The following SEMA6D variants were observed in gnomAD, a reference collection of about 807,000 sequenced individuals.
SEMA6D encodes semaphorin-6D.
A neutral mutation model predicts 106.6 loss-of-function variants in SEMA6D; 35 were observed. The observed-to-expected ratio is 0.33, with a 90% CI of 0.25 to 0.44. SEMA6D has a LOEUF of 0.44. SEMA6D is among the 20% of genes least tolerant of loss of function. The pLI is 1.00. For missense variants in SEMA6D, 1,185 were observed against 1,345.9 expected, an observed-to-expected ratio of 0.88 and a Z score of 1.87; for synonymous variants, 499 against 487.7, an observed-to-expected ratio of 1.02 and a Z score of -0.31.
intron 3 of SEMA6D, among the ~76,000 whole-genome samples, chr15:47,550,442 A>G (rs1260151743): frequency 6.6e-6 from 1 of 152,150 alleles, no homozygotes; most frequent in Non-Finnish European, 1.5e-5. Context: ...TTCTGCTCTC[A>G]GTTAATTTTA....
intron 1 of SEMA6D, among the ~76,000 whole-genome samples, chr15:47,193,535 A>G (rs936699968): frequency 7.9e-5 from 12 of 152,102 alleles, no homozygotes; most frequent in African/African-American, 2.9e-4. Context: ...ATTGGATTAT[A>G]CTCTTCTCTG....
chr15:47,479,399 C>A (rs1266714615), intron 3 of SEMA6D, among the ~76,000 whole-genome samples: 1 of 152,078 alleles, frequency 6.6e-6, no homozygotes, highest in Non-Finnish European at 1.5e-5. Flanking sequence ...ATACTAGGAA[C>A]CTTATTTCAG....
At chr15:47,265,274 T>A (rs1219924573) in intron 1 of SEMA6D, among the ~76,000 whole-genome samples, 2 of 152,000 alleles carry the variant, frequency 1.3e-5, no homozygotes, top group South Asian at 2.1e-4. Flanking sequence ...GTGGTTTTTT[T>A]ATTGATAATA....
At chr15:47,453,961 C>T (rs1417937466) in intron 2 of SEMA6D, among the ~76,000 whole-genome samples, 2 of 151,898 alleles carry the variant, frequency 1.3e-5, no homozygotes, top group Non-Finnish European at 2.9e-5. Flanking sequence ...AATCTGACGC[C>T]CCAATGATTG....
intron 1 of SEMA6D, among the ~76,000 whole-genome samples, chr15:47,301,725 G>A (rs922650183): frequency 6.6e-6 from 1 of 152,238 alleles, no homozygotes; most frequent in Non-Finnish European, 1.5e-5. Context: ...ACAGCTGTGA[G>A]AGGGAGGAAA....
At chr15:47,385,374 A>G (rs1467105722) in intron 1 of SEMA6D, among the ~76,000 whole-genome samples, 1 of 152,198 alleles carries the variant, frequency 6.6e-6, no homozygotes, top group Non-Finnish European at 1.5e-5. Flanking sequence ...CTGTGAAGGC[A>G]ACATGGTCTT....
Position 47,384,818 on chromosome 15 carries a change from T to TTTTGG in SEMA6D, c.-238-27572_-238-27571insGGTTT, listed in dbSNP as rs1471662984. 2.3e-4 allele frequency among the ~76,000 whole-genome samples: 13 copies of TTTTGG among 56,844 alleles called. No individual in the cohort carries two copies. In the East Asian group the frequency reaches 5.0e-3, roughly 22 times the overall value. The allele number at this position is 56,844 out of a possible 152,430, so 37.3% of individuals were successfully genotyped here. A position where few individuals can be genotyped will look rare whatever the true frequency, so the allele number is the denominator to read the frequency against. On this transcript the variant is annotated intron_variant, in intron 1 of 19. Coordinates refer to the SEMA6D transcript ENST00000558014. ...AATTAACATTTGATTACTAAAGTTT[T>TTTTGG]TTTTTTTTTTTTTTTTTTTTTTTTT...
intron 1 of SEMA6D, among the ~76,000 whole-genome samples, chr15:47,239,674 G>T (rs1487545964): frequency 6.6e-6 from 1 of 151,978 alleles, no homozygotes; most frequent in Non-Finnish European, 1.5e-5. Context: ...GAGCCTGGCT[G>T]GCTCTGTTAC....
intron 1 of SEMA6D, among the ~76,000 whole-genome samples, chr15:47,379,002 CAG>C (rs1264473791): frequency 6.6e-6 from 1 of 152,164 alleles, no homozygotes; most frequent in African/African-American, 2.4e-5. Context: ...TGTTTTAAAA[CAG>C]AGACAGAAAG....
chr15:47,524,029 T>C (rs1011951981), intron 3 of SEMA6D, among the ~76,000 whole-genome samples: 1 of 152,208 alleles, frequency 6.6e-6, no homozygotes, highest in Non-Finnish European at 1.5e-5. Context: ...CCTCCTGACT[T>C]TTATCAAGGA....
chr15:47,409,886 A>C (rs1213756906), intron 1 of SEMA6D, among the ~76,000 whole-genome samples: 2 of 108,284 alleles, frequency 1.8e-5, no homozygotes, highest in South Asian at 3.1e-4. Flanking sequence ...TTTGCAAACT[A>C]TTTTCGGGGT....
chr15:47,637,307 GT>G (rs1218259067), intron 4 of SEMA6D, among the ~76,000 whole-genome samples: 1 of 152,172 alleles, frequency 6.6e-6, no homozygotes, highest in East Asian at 1.9e-4. Flanking sequence ...GTAAATGTGG[GT>G]TTTGAATTGT....
chr15:47,442,316 C>G (rs898186438), intron 2 of SEMA6D, among the ~76,000 whole-genome samples: 18 of 152,066 alleles, frequency 1.2e-4, no homozygotes, highest in African/African-American at 4.3e-4. Flanking sequence ...GGGCTATAAC[C>G]ACCCTTGAGA....
chr15:47,608,186 T>C (rs2164371), intron 4 of SEMA6D, among the ~76,000 whole-genome samples: 38,494 of 152,000 alleles, frequency 0.25, 5,406 homozygotes, highest in East Asian at 0.46. Flanking sequence ...AGGAACATGA[T>C]GGTAATTTAC....
At chr15:47,531,483 G>A (rs1393975350) in intron 3 of SEMA6D, among the ~76,000 whole-genome samples, 1 of 152,148 alleles carries the variant, frequency 6.6e-6, no homozygotes, top group Non-Finnish European at 1.5e-5. Context: ...TTTGGCAGAT[G>A]CTATTTTAAA....
intron 1 of SEMA6D, among the ~76,000 whole-genome samples, chr15:47,254,759 A>T (rs1156677901): frequency 6.6e-6 from 1 of 152,082 alleles, no homozygotes; most frequent in African/African-American, 2.4e-5. Flanking sequence ...CATCTCTGGG[A>T]TGAATCCCAC....
chr15:47,318,024 C>CTTTTTTTT (rs71425594), intron 1 of SEMA6D, among the ~76,000 whole-genome samples: 7 of 116,912 alleles, frequency 6.0e-5, no homozygotes, highest in Non-Finnish European at 1.1e-4. Context: ...TCCCACAGTT[C>CTTTTTTTT]TTTTTTTTTT....
In SEMA6D at chr15:47,218,938, T is replaced by C. The variant is rs1203843111; in HGVS notation, c.-239+34520T>C. ...AGTCATCCATATGATGCCAAACCCATGTTTCTTCTGTCGATTGCTAACTAA... is the reference window on the plus strand; with the variant it reads ...AGTCATCCATATGATGCCAAACCCACGTTTCTTCTGTCGATTGCTAACTAA... On this transcript the variant is annotated intron_variant, in intron 1 of 19. Coordinates refer to the SEMA6D transcript ENST00000558014. Among the ~76,000 whole-genome samples the C allele has an allele frequency of 2.6e-5, 4 of 152,198 alleles. No homozygotes were observed. In the East Asian group the frequency reaches 7.7e-4, roughly 29 times the overall value.
At chr15:47,295,547 C>T (rs1043725601) in intron 1 of SEMA6D, among the ~76,000 whole-genome samples, 2 of 152,166 alleles carry the variant, frequency 1.3e-5, no homozygotes, top group African/African-American at 4.8e-5. Context: ...CAAGACCTAT[C>T]CAGAGAAATA....
Sources: gnomAD v4.1 joint callset for allele counts (sites outside exome capture counted in the v4.1 genomes callset) on GRCh38, gnomAD v4.1.1 for gene constraint, MANE v1.5 for transcripts, NCBI Gene and HGNC (gene_info 2026-07-23, HGNC 2026-07-21) for gene names.